KCNH1: variants seen among roughly 807,000 people sequenced by gnomAD.
KCNH1 encodes the protein potassium voltage-gated channel subfamily H member 1.
Under a neutral mutation model 69.2 loss-of-function variants are expected in KCNH1, and 27 were observed. The ratio of observed to expected loss-of-function variants is 0.39; its 90% confidence interval spans 0.29 to 0.54. The LOEUF (loss-of-function observed/expected upper bound fraction) is 0.54. Among genes scored for constraint, KCNH1 ranks in the 20% least tolerant of loss-of-function variants. The probability of loss-of-function intolerance (pLI) is 0.68; values close to 1 mark genes in which losing one functional copy is unlikely to be tolerated. For missense variants in KCNH1, 798 were observed against 1,261.6 expected (o/e 0.63, Z 5.57); for synonymous variants, 456 against 487.7 (o/e 0.93, Z 0.86).
At chr1:211,087,639 GCACACACACA>G (rs5780626) in intron 4 of KCNH1, among the ~76,000 whole-genome samples, 1 of 140,580 alleles carries the variant, frequency 7.1e-6, no homozygotes. Flanking sequence ...ACACACACAC[GCACACACACA>G]CACACACACA....
intron 9 of KCNH1, among the ~76,000 whole-genome samples, chr1:210,793,575 C>T (rs1351186736): frequency 6.6e-6 from 1 of 152,180 alleles, no homozygotes; most frequent in Non-Finnish European, 1.5e-5. Flanking sequence ...TGAGTACTGA[C>T]CCTTTTCTTC....
chr1:211,003,640 G>C (rs769560462), intron 6 of KCNH1, among the ~76,000 whole-genome samples: 31 of 152,082 alleles, frequency 2.0e-4, no homozygotes, highest in Non-Finnish European at 3.7e-4. Context: ...TAGAAGAGAT[G>C]AAAGAGAAGG....
At chr1:211,084,053 C>T (rs549051507) in intron 4 of KCNH1, among the ~76,000 whole-genome samples, 2 of 152,290 alleles carry the variant, frequency 1.3e-5, no homozygotes, top group South Asian at 2.1e-4. Flanking sequence ...CTTTCATCCA[C>T]CCTGATGCCA....
chr1:210,964,772 A>G (rs1196128204), intron 6 of KCNH1, among the ~76,000 whole-genome samples: 5 of 152,178 alleles, frequency 3.3e-5, no homozygotes, highest in Admixed American at 1.3e-4. Flanking sequence ...TCATCCTGAT[A>G]TCAAAACCTG....
At chr1:210,905,417 T>C (rs1334784250) in intron 7 of KCNH1, among the ~76,000 whole-genome samples, 1 of 152,128 alleles carries the variant, frequency 6.6e-6, no homozygotes, top group Non-Finnish European at 1.5e-5. Context: ...CCTGGTACTG[T>C]CAAGTACCAG....
At chr1:210,959,659 C>G (rs1688256099) in intron 6 of KCNH1, among the ~76,000 whole-genome samples, 1 of 152,236 alleles carries the variant, frequency 6.6e-6, no homozygotes, top group African/African-American at 2.4e-5. Context: ...AGGTCAATCT[C>G]AGACTGCTGC....
intron 6 of KCNH1, among the ~76,000 whole-genome samples, chr1:210,957,601 T>C (rs762063929): frequency 3.3e-5 from 5 of 152,236 alleles, no homozygotes; most frequent in Non-Finnish European, 5.9e-5. Flanking sequence ...GGTGCTCCTG[T>C]ATTCAATGCA....
chr1:210,704,749 T>TAATC (rs1681866222), intron 10 of KCNH1, among the ~76,000 whole-genome samples: 1 of 152,244 alleles, frequency 6.6e-6, no homozygotes, highest in South Asian at 2.1e-4. Flanking sequence ...AACCTGTATC[T>TAATC]AATCATCTAA....
chr1:210,971,195 C>T (rs1441514589), intron 6 of KCNH1, among the ~76,000 whole-genome samples: 2 of 152,042 alleles, frequency 1.3e-5, no homozygotes, highest in African/African-American at 4.8e-5. Flanking sequence ...TCAAGTGATC[C>T]TCCCACTTCA....
At chr1:210,884,170 G>A (rs1686553769) in intron 7 of KCNH1, among the ~76,000 whole-genome samples, 1 of 152,194 alleles carries the variant, frequency 6.6e-6, no homozygotes, top group African/African-American at 2.4e-5. Flanking sequence ...CCCTTTGAAA[G>A]GGACAGAGTT....
intron 6 of KCNH1, among the ~76,000 whole-genome samples, chr1:210,929,601 C>T (rs1047661050): frequency 6.6e-6 from 1 of 152,120 alleles, no homozygotes; most frequent in African/African-American, 2.4e-5. Context: ...GAACGCATTC[C>T]CTCATGAGAA....
At chr1:210,856,551 C>T (rs1685841319) in intron 7 of KCNH1, among the ~76,000 whole-genome samples, 1 of 151,582 alleles carries the variant, frequency 6.6e-6, no homozygotes, top group African/African-American at 2.4e-5. Flanking sequence ...CCTCATTCTC[C>T]AGCTCTGTCT....
intron 7 of KCNH1, among the ~76,000 whole-genome samples, chr1:210,806,990 G>C (rs565712936): frequency 4.9e-5 from 6 of 123,112 alleles, no homozygotes; most frequent in African/African-American, 1.9e-4. Flanking sequence ...CTGGGTAGCA[G>C]AGCAAGACTC....
intron 10 of KCNH1, among the ~76,000 whole-genome samples, chr1:210,689,883 A>C (rs988812709): frequency 2.6e-5 from 4 of 152,248 alleles, no homozygotes; most frequent in African/African-American, 9.6e-5. Context: ...TGATTCTGAC[A>C]TGGGCAGCCT....
chr1:211,068,258 G>A (rs775818664), intron 5 of KCNH1, among the ~76,000 whole-genome samples: 1 of 152,212 alleles, frequency 6.6e-6, no homozygotes, highest in Non-Finnish European at 1.5e-5. Context: ...TATCAGCTAT[G>A]AGCTATGGAT....
chr1:210,733,300 G>A lies in KCNH1; in HGVS notation c.2112+42048C>T, dbSNP rs566979874. Among the ~76,000 whole-genome samples the A allele has an allele frequency of 5.3e-5, 8 of 152,248 alleles. No individual in the cohort carries two copies. In the East Asian group the frequency reaches 1.2e-3, roughly 22 times the overall value. ...TGACTTGAGAAAGGAGAATCAAAGC[G>A]CATAGAAATTTGGGTAATGGTTGGA... is the stretch of plus-strand genomic sequence containing the variant. On this transcript the variant is annotated intron_variant, in intron 10 of 10. Coordinates refer to ENST00000271751, the MANE Select transcript of KCNH1 (RefSeq NM_172362.3).
chr1:211,001,248 T>C, intron 6 of KCNH1, among the ~76,000 whole-genome samples: 1 of 152,106 alleles, frequency 6.6e-6, no homozygotes, highest in East Asian at 1.9e-4. Context: ...GGGAGAACAT[T>C]TTTGCAATCT....
At chr1:210,881,164 G>C (rs1376044149) in intron 7 of KCNH1, among the ~76,000 whole-genome samples, 1 of 152,024 alleles carries the variant, frequency 6.6e-6, no homozygotes, top group Admixed American at 6.6e-5. Flanking sequence ...CATCATTCCT[G>C]GCTAATTTTT....
At chr1:210,953,655 T>A (rs1688106164) in intron 6 of KCNH1, among the ~76,000 whole-genome samples, 1 of 152,286 alleles carries the variant, frequency 6.6e-6, no homozygotes, top group South Asian at 2.1e-4. Flanking sequence ...GGATTCTTTC[T>A]AAAATTTTAA....
Sources: gnomAD v4.1 joint callset for allele counts (sites outside exome capture counted in the v4.1 genomes callset) on GRCh38, gnomAD v4.1.1 for gene constraint, MANE v1.5 for transcripts, NCBI Gene and HGNC (gene_info 2026-07-23, HGNC 2026-07-21) for gene names.